Variants in HACD4 observed in about 807,000 individuals in gnomAD.
HACD4 encodes very-long-chain (3R)-3-hydroxyacyl-CoA dehydratase 4.
HACD4 carries 35 observed loss-of-function variants against 33.3 expected under a neutral mutation model. The ratio of observed to expected loss-of-function variants is 1.05; its 90% confidence interval spans 0.80 to 1.39. The LOEUF is 1.39. HACD4 is among the 40% of genes most tolerant of loss of function. The pLI is 0.00. For missense variants in HACD4, 323 were observed against 276.5 expected, an observed-to-expected ratio of 1.17 and a Z score of -1.19; for synonymous variants, 118 against 98.0, an observed-to-expected ratio of 1.20 and a Z score of -1.21.
intron 1 of HACD4, among the ~76,000 whole-genome samples, chr9:21,030,985 G>A (rs1291997067): frequency 6.6e-6 from 1 of 152,198 alleles, no homozygotes; most frequent in East Asian, 1.9e-4. Context: ...AAAATAAGCT[G>A]GGAGGCAGAA....
At chr9:21,012,792 G>T (rs368470181) in intron 4 of HACD4, among the ~76,000 whole-genome samples, 3 of 152,082 alleles carry the variant, frequency 2.0e-5, no homozygotes, top group African/African-American at 7.2e-5. Flanking sequence ...GCCAGCCGTG[G>T]TGGCTCACTC....
intron 1 of HACD4, among the ~76,000 whole-genome samples, chr9:21,030,543 G>C (rs144232496): frequency 1.3e-5 from 2 of 152,356 alleles, no homozygotes; most frequent in African/African-American, 4.8e-5. Context: ...AGCTCAGCTT[G>C]CTAAGTGCAG....
chr9:21,017,386 C>A (rs1176193506), intron 3 of HACD4, among the ~76,000 whole-genome samples: 7 of 152,118 alleles, frequency 4.6e-5, no homozygotes, highest in Non-Finnish European at 1.0e-4. Flanking sequence ...TGGAAGCTAT[C>A]TACATAGCTG....
chr9:21,022,919 G>C (rs930051587), intron 3 of HACD4, among the ~76,000 whole-genome samples: 3 of 151,856 alleles, frequency 2.0e-5, no homozygotes, highest in African/African-American at 7.3e-5. Flanking sequence ...ACATGCACAC[G>C]TATGTTTATT....
chr9:21,029,445 C>G, intron 1 of HACD4, 47 bp from the exon 2 acceptor site: 1 of 1,196,774 alleles, frequency 8.4e-7, no homozygotes, highest in South Asian at 1.3e-5. Flanking sequence ...TATAATCATC[C>G]TTTCATCACT....
intron 3 of HACD4, among the ~76,000 whole-genome samples, chr9:21,021,945 A>C (rs1020984978): frequency 3.9e-5 from 6 of 152,192 alleles, no homozygotes; most frequent in Non-Finnish European, 1.5e-5. Flanking sequence ...CAAAAGAACA[A>C]AGCTAGAGGC....
intron 2 of HACD4, among the ~76,000 whole-genome samples, chr9:21,027,474 C>G (rs1818091915): frequency 6.6e-6 from 1 of 152,172 alleles, no homozygotes; most frequent in African/African-American, 2.4e-5. Flanking sequence ...AGTGATGATT[C>G]ACACAATAAT....
Position 21,028,486 on chromosome 9 carries a change from A to G in HACD4, c.142+809T>C, listed in dbSNP as rs116055911. On this transcript the variant is annotated intron_variant, in intron 2 of 6. Transcript: ENST00000495827. ...TAGATTTTCAGTAAGAAAAAGCAAC[A>G]TAAAATAGCTTATGGGACCCTGCAA... is the stretch of plus-strand genomic sequence containing the variant. Among the ~76,000 whole-genome samples, 208 of 152,374 alleles carry G rather than the reference A, an allele frequency of 1.4e-3. 3 individuals carry two copies. The highest frequency in any genetic ancestry group is 4.9e-3 in the African/African-American group (203 of 41,590).
In HACD4 at chr9:21,003,317, T is replaced by C. The variant is rs1231552741; in HGVS notation, c.*3720A>G. 6.6e-6 allele frequency: 1 copy of C among 152,110 alleles called. No individual in the cohort carries two copies. Among genetic ancestry groups the C allele is most frequent in the Non-Finnish European group, 1.5e-5 (1 of 68,006 alleles). The allele number at this position is 152,110 out of a possible 1,614,324, so 9.4% of individuals were successfully genotyped here. A position where few individuals can be genotyped will look rare whatever the true frequency, so the allele number is the denominator to read the frequency against. ...TATAATGACCCAGTAAAGTGTAGTT[T>C]CTCTAATTTTCTCTTTGTTTTAGTG... is the stretch of plus-strand genomic sequence containing the variant. On this transcript the variant is annotated 3_prime_UTR_variant, in exon 7 of 7. Coordinates refer to ENST00000495827, the MANE Select transcript of HACD4 (RefSeq NM_001010915.5).
At chr9:21,021,841 G>T (rs1273988841) in intron 3 of HACD4, among the ~76,000 whole-genome samples, 1 of 152,104 alleles carries the variant, frequency 6.6e-6, no homozygotes, top group Admixed American at 6.5e-5. Flanking sequence ...TCCCCATCAA[G>T]CTACCAATGA....
intron 3 of HACD4, among the ~76,000 whole-genome samples, chr9:21,019,462 G>A (rs538259990): frequency 2.6e-5 from 4 of 152,198 alleles, no homozygotes; most frequent in Admixed American, 1.3e-4. Flanking sequence ...GTAAAGAACT[G>A]AGAAAAGTGT....
At chr9:21,031,313 A>G (rs957924082) in intron 1 of HACD4, 3 of 331,514 alleles carry the variant, frequency 9.0e-6, no homozygotes, top group Admixed American at 1.3e-4. Context: ...GTAGCCATGC[A>G]GCCTGTCCTT....
rs147669396 is a variant in HACD4 at position 21,009,297 on chromosome 9, T to C, written c.491-1151A>G. 1.3e-3 allele frequency among the ~76,000 whole-genome samples: 200 copies of C among 152,320 alleles called. 5 individuals are homozygous for C. The South Asian group carries it at 0.019, about 15-fold the overall frequency. ...GAGCATTATTGACATTTTTGTCATA[T>C]ATATCTCTAGACTATTTTCTGCATA... On this transcript the variant is annotated intron_variant, in intron 5 of 6. Coordinates refer to ENST00000495827, the MANE Select transcript of HACD4 (RefSeq NM_001010915.5).
intron 3 of HACD4, among the ~76,000 whole-genome samples, chr9:21,021,728 G>C (rs1200606565): frequency 3.9e-5 from 6 of 152,096 alleles, no homozygotes; most frequent in African/African-American, 1.4e-4. Flanking sequence ...CGAAATAAAA[G>C]AGGACACAAA....
At chr9:21,012,519 A>G (rs1842459662) in intron 4 of HACD4, among the ~76,000 whole-genome samples, 3 of 152,232 alleles carry the variant, frequency 2.0e-5, no homozygotes, top group Admixed American at 6.5e-5. Context: ...ATCTCTCTCA[A>G]TCCAGGACCT....
At chr9:21,030,013 T>C (rs1424406056) in intron 1 of HACD4, among the ~76,000 whole-genome samples, 1 of 152,216 alleles carries the variant, frequency 6.6e-6, no homozygotes, top group Non-Finnish European at 1.5e-5. Flanking sequence ...ATGGACCATC[T>C]GTATAGTGAG....
At chr9:21,020,687 T>G (rs1157080004) in intron 3 of HACD4, among the ~76,000 whole-genome samples, 1 of 152,212 alleles carries the variant, frequency 6.6e-6, no homozygotes, top group African/African-American at 2.4e-5. Context: ...ATGCTTCTTT[T>G]GGACCATTTT....
rs533669903 is a variant in HACD4, at chr9:21,006,891, A to C, written c.*146T>G. 1.5e-6 allele frequency: 1 copy of C among 666,478 alleles called. No homozygotes were observed. Among genetic ancestry groups the C allele is most frequent in the Non-Finnish European group, 2.7e-6 (1 of 368,250 alleles). 41.3% of individuals were successfully genotyped at this position (666,478 alleles called of 1,614,324 possible). A position where few individuals can be genotyped will look rare whatever the true frequency, so the allele number is the denominator to read the frequency against. On this transcript the variant is annotated 3_prime_UTR_variant, in exon 7 of 7. Transcript: ENST00000495827. The surrounding 1 kb of genome is among the most constrained non-coding windows in gnomAD (Gnocchi z 4.6). ...GTGAAAAACATAGCCTGTTATGTCT[A>C]GAGTTTTGGGGGTATGTGCAGTTAT...
At chr9:21,026,529 A>G in intron 3 of HACD4, 67 bp downstream of exon 3, 1 of 1,338,094 alleles carries the variant, frequency 7.5e-7, no homozygotes, top group Non-Finnish European at 1.0e-6. Context: ...TAAAGTCAAG[A>G]GAAGCTTTAA....
Sources: allele counts gnomAD v4.1 joint callset (sites outside exome capture counted in the v4.1 genomes callset), GRCh38; gene constraint gnomAD v4.1.1; non-coding constraint Gnocchi (gnomAD v3.1); transcripts MANE v1.5; gene names NCBI Gene and HGNC (gene_info 2026-07-23, HGNC 2026-07-21).